LYZL1: variants seen among roughly 807,000 people sequenced by gnomAD.
The protein encoded by LYZL1 is lysozyme-like protein 1.
Under a neutral mutation model 17.9 loss-of-function variants are expected in LYZL1, and 16 were observed. The observed-to-expected ratio is 0.90, with a 90% CI of 0.61 to 1.36. The LOEUF (loss-of-function observed/expected upper bound fraction) is 1.36. Among genes scored for constraint, LYZL1 ranks in the 40% most tolerant of loss-of-function variants. The probability of loss-of-function intolerance (pLI) is 0.00; values close to 1 mark genes in which losing one functional copy is unlikely to be tolerated. For synonymous variants in LYZL1, 58 were observed against 71.8 expected (o/e 0.81, Z 0.97); for missense variants, 149 against 188.4 (o/e 0.79, Z 1.22).
intron 3 of LYZL1, among the ~76,000 whole-genome samples, chr10:29,303,230 T>G (rs1031138907): frequency 2.0e-5 from 3 of 152,250 alleles, no homozygotes; most frequent in Middle Eastern, 3.4e-3. Context: ...CCAGGTATTC[T>G]CCACAAAATC....
chr10:29,304,936 G>A (rs1835570615), intron 3 of LYZL1, among the ~76,000 whole-genome samples: 2 of 152,074 alleles, frequency 1.3e-5, no homozygotes, highest in South Asian at 4.2e-4. Flanking sequence ...TCCACTTCCT[G>A]GTCCAATATG....
chr10:29,296,644 A>G (rs548402009), intron 3 of LYZL1, among the ~76,000 whole-genome samples: 36 of 152,328 alleles, frequency 2.4e-4, no homozygotes, highest in African/African-American at 7.7e-4. Context: ...TATAGTTTCT[A>G]TAGTTCCAAC....
In LYZL1 at chr10:29,309,071, G is replaced by A. The variant is rs1294768719; in HGVS notation, c.299-1039G>A. Among the ~76,000 whole-genome samples, 6 of 151,960 alleles carry A rather than the reference G, an allele frequency of 3.9e-5. No homozygotes were observed. The East Asian group carries it at 1.2e-3, about 29-fold the overall frequency. ...AGACTGGGTGCGATGGCTCACACCT[G>A]TAATCCCAGCACTTTGGGAGGCCGA... On this transcript the variant is annotated intron_variant, in intron 3 of 4. Transcript: ENST00000649382.
At chr10:29,302,044 G>T (rs1372780899) in intron 3 of LYZL1, among the ~76,000 whole-genome samples, 1 of 152,006 alleles carries the variant, frequency 6.6e-6, no homozygotes, top group Non-Finnish European at 1.5e-5. Context: ...TGAAGTCCTT[G>T]ACATAAGTAA....
At chr10:29,315,989 G>C (rs543458151), downstream of LYZL1, among the ~76,000 whole-genome samples, 71 of 152,250 alleles carry the variant, frequency 4.7e-4, no homozygotes, top group African/African-American at 1.6e-3. Context: ...TGAAGGGTCC[G>C]ACTGCTTGAG....
chr10:29,316,875 C>A (rs1401666388), intron 3 of LYZL1, among the ~76,000 whole-genome samples: 2 of 151,946 alleles, frequency 1.3e-5, no homozygotes, highest in Non-Finnish European at 2.9e-5. Flanking sequence ...AGCCACCACT[C>A]GCAGCTAACT....
At chr10:29,304,374 C>T (rs1835562131) in intron 3 of LYZL1, among the ~76,000 whole-genome samples, 1 of 152,086 alleles carries the variant, frequency 6.6e-6, no homozygotes, top group African/African-American at 2.4e-5. Flanking sequence ...TATTTTTCAT[C>T]ACCCTGGTAT....
intron 3 of LYZL1, 35 bp from the exon 4 acceptor site, chr10:29,310,075 T>A: frequency 6.7e-7 from 1 of 1,497,516 alleles, no homozygotes; most frequent in South Asian, 1.2e-5. Context: ...AACAACAAAG[T>A]CTCGCCTAAC....
At chr10:29,306,267 T>TAAAG (rs1564392916) in intron 3 of LYZL1, among the ~76,000 whole-genome samples, 9 of 151,454 alleles carry the variant, frequency 5.9e-5, no homozygotes, top group South Asian at 2.1e-4. Flanking sequence ...AATAAGGAAC[T>TAAAG]TGGCCGGGCG....
downstream of LYZL1, among the ~76,000 whole-genome samples, chr10:29,313,047 C>T (rs2132840742): frequency 1.3e-5 from 2 of 152,246 alleles, no homozygotes; most frequent in Middle Eastern, 6.8e-3. Context: ...CTGATGGCTC[C>T]TTTCCTGCCC....
intron 3 of LYZL1, among the ~76,000 whole-genome samples, chr10:29,299,420 A>G (rs187465413): frequency 6.6e-6 from 1 of 152,092 alleles, no homozygotes; most frequent in East Asian, 1.9e-4. Flanking sequence ...TGTGTATTTT[A>G]TATTTGGTGG....
At chr10:29,294,471 C>G (rs561022758) in intron 3 of LYZL1, among the ~76,000 whole-genome samples, 83 of 152,312 alleles carry the variant, frequency 5.4e-4, no homozygotes, top group African/African-American at 2.0e-3. Flanking sequence ...AGATGCTGAA[C>G]AGGCAGAGGG....
At chr10:29,292,338 T>G (rs1240959722) in intron 2 of LYZL1, among the ~76,000 whole-genome samples, 181 bp from the exon 3 acceptor site, 5 of 151,928 alleles carry the variant, frequency 3.3e-5, no homozygotes, top group African/African-American at 4.8e-5. Context: ...GCTTCAGGTG[T>G]GCCATCCCAG....
At chr10:29,305,175 A>G (rs1387332220) in intron 3 of LYZL1, among the ~76,000 whole-genome samples, 1 of 152,184 alleles carries the variant, frequency 6.6e-6, no homozygotes, top group Admixed American at 6.5e-5. Context: ...TTCCAAACAC[A>G]AACCACAGTG....
chr10:29,298,187 G>A (rs941476171), intron 3 of LYZL1, among the ~76,000 whole-genome samples: 1 of 152,094 alleles, frequency 6.6e-6, no homozygotes, highest in African/African-American at 2.4e-5. Flanking sequence ...AGTGAAGTAA[G>A]GGATTAGGAA....
intron 1 of LYZL1, 104 bp downstream of exon 1, chr10:29,289,334 G>C: frequency 1.1e-6 from 1 of 884,512 alleles, no homozygotes; most frequent in East Asian, 3.0e-5. Context: ...CTTTGGACTT[G>C]TTTGAGATCA....
chr10:29,298,895 A>G (rs999338448), intron 3 of LYZL1, among the ~76,000 whole-genome samples: 2 of 152,182 alleles, frequency 1.3e-5, no homozygotes, highest in Non-Finnish European at 2.9e-5. Flanking sequence ...CATTACACTT[A>G]TTGTCCACTT....
At chr10:29,308,247 C>T (rs4749412) in intron 3 of LYZL1, among the ~76,000 whole-genome samples, 32,653 of 152,024 alleles carry the variant, frequency 0.21, 3,563 homozygotes, top group Admixed American at 0.29. Flanking sequence ...TGTTCCCTTC[C>T]GGGGTGACCC....
chr10:29,302,855 G>C (rs948197469), intron 3 of LYZL1, among the ~76,000 whole-genome samples: 2 of 152,158 alleles, frequency 1.3e-5, no homozygotes, highest in African/African-American at 4.8e-5. Flanking sequence ...CCTTTAAAGA[G>C]TGTTGAATTT....
Sources: allele counts gnomAD v4.1 joint callset (sites outside exome capture counted in the v4.1 genomes callset), GRCh38; gene constraint gnomAD v4.1.1; transcripts MANE v1.5; gene names NCBI Gene and HGNC (gene_info 2026-07-23, HGNC 2026-07-21).